Variants in NUP214 observed in about 807,000 individuals in gnomAD.
NUP214 encodes nucleoporin 214.
In NUP214, 79 loss-of-function variants were observed where a neutral mutation model predicts 196.2. That is an observed-to-expected ratio of 0.40 (90% CI 0.34 to 0.49). The LOEUF is 0.49. Among genes scored for constraint, NUP214 ranks in the 20% least tolerant of loss-of-function variants. The pLI is 0.58. For missense variants in NUP214, 2,468 were observed against 2,539.0 expected (o/e 0.97, Z 0.60); for synonymous variants, 1,020 against 990.5 (o/e 1.03, Z -0.56).
At chr9:131,171,280 G>A (rs1832948668) in intron 21 of NUP214, among the ~76,000 whole-genome samples, 1 of 152,194 alleles carries the variant, frequency 6.6e-6, no homozygotes, top group South Asian at 2.1e-4. Flanking sequence ...AAGGAACTAA[G>A]AGTACCTTCA....
At chr9:131,130,695 G>A in intron 4 of NUP214, 71 bp from the exon 5 acceptor site, 1 of 1,299,202 alleles carries the variant, frequency 7.7e-7, no homozygotes, top group Non-Finnish European at 1.1e-6. Context: ...TTGATAATTA[G>A]CTGTGTGTGA....
chr9:131,202,310 G>A (rs185010575), intron 30 of NUP214, among the ~76,000 whole-genome samples: 43 of 152,146 alleles, frequency 2.8e-4, no homozygotes, highest in Admixed American at 5.2e-4. Flanking sequence ...GCTTTTGGGG[G>A]GTTTGTTGTT....
At chr9:131,174,398 C>A in intron 22 of NUP214, 80 bp downstream of exon 22, 4 of 1,302,468 alleles carry the variant, frequency 3.1e-6, no homozygotes, top group Non-Finnish European at 4.2e-6. Flanking sequence ...GGGTCTTATA[C>A]TGTCACACCA....
At chr9:131,175,972 G>A (rs867152475) in intron 23 of NUP214, among the ~76,000 whole-genome samples, 2 of 151,880 alleles carry the variant, frequency 1.3e-5, no homozygotes, top group Non-Finnish European at 1.5e-5. Context: ...TAACACTAGC[G>A]TCATCTCTTA....
Position 131,150,322 on chromosome 9 carries a change from A to G in NUP214, c.2041-2A>G, listed in dbSNP as rs1564185904. ...TTTTTAAACCTTTTCCTTCCATTTC[A>G]GGCAAAGTCACTTCAGCCTGCTGTT... On this transcript the variant is annotated splice_acceptor_variant, in intron 14 of 35. Transcript: ENST00000359428. LOFTEE classifies it high-confidence loss of function. 1 of 1,613,850 alleles carries G rather than the reference A, an allele frequency of 6.2e-7. No homozygotes were observed. The highest frequency in any genetic ancestry group is 8.5e-7 in the Non-Finnish European group (1 of 1,179,880).
chr9:131,144,225 G>A, intron 11 of NUP214, 55 bp from the exon 12 acceptor site: 2 of 1,335,606 alleles, frequency 1.5e-6, no homozygotes, highest in Admixed American at 2.0e-5. Context: ...TTTCTATTAT[G>A]TGAACCTCCA....
At chr9:131,215,843 C>A (rs1263901280) in intron 31 of NUP214, among the ~76,000 whole-genome samples, 1 of 151,294 alleles carries the variant, frequency 6.6e-6, no homozygotes, top group Non-Finnish European at 1.5e-5. Flanking sequence ...TCACCTCTTA[C>A]ATTTTTGTTT....
intron 30 of NUP214, among the ~76,000 whole-genome samples, chr9:131,209,921 C>T (rs1157238420): frequency 6.6e-6 from 1 of 152,206 alleles, no homozygotes; most frequent in African/African-American, 2.4e-5. Flanking sequence ...CCTCTTGCCT[C>T]CCACCTCAGA....
chr9:131,132,535 T>G, intron 5 of NUP214, 61 bp from the exon 6 acceptor site: 1 of 1,409,922 alleles, frequency 7.1e-7, no homozygotes, highest in Non-Finnish European at 1.0e-6. Context: ...GATTTGACAG[T>G]TTGATTGGTT....
chr9:131,201,875 G>A (rs141656160), intron 30 of NUP214, among the ~76,000 whole-genome samples, 158 bp downstream of exon 30: 696 of 152,304 alleles, frequency 4.6e-3, no homozygotes, highest in Non-Finnish European at 7.3e-3. Context: ...TGGAGGTGCA[G>A]AAGTCTCAGC....
chr9:131,132,119 C>CTTT (rs71389396), intron 5 of NUP214, among the ~76,000 whole-genome samples: 21 of 114,654 alleles, frequency 1.8e-4, no homozygotes, highest in African/African-American at 7.6e-4. Flanking sequence ...TCTTTTCTTT[C>CTTT]TTTTTTTTTT....
chr9:131,163,432 CAT>C (rs1276128692), intron 19 of NUP214: 2 of 478,166 alleles, frequency 4.2e-6, no homozygotes, highest in African/African-American at 3.9e-5. Flanking sequence ...CTGAATATAT[CAT>C]AGCAAGTGAT....
intron 4 of NUP214, among the ~76,000 whole-genome samples, chr9:131,130,474 C>G (rs1234094426): frequency 1.3e-5 from 2 of 152,104 alleles, no homozygotes; most frequent in African/African-American, 4.8e-5. Context: ...GAAACCTTCT[C>G]TGTTCTCCTT....
intron 24 of NUP214, among the ~76,000 whole-genome samples, chr9:131,184,970 AGTAT>A (rs1358987472): frequency 2.0e-5 from 3 of 152,230 alleles, no homozygotes; most frequent in Non-Finnish European, 2.9e-5. Context: ...CTCATATATG[AGTAT>A]GTATGAAAAG....
chr9:131,155,603 T>C (rs917248748), intron 17 of NUP214, among the ~76,000 whole-genome samples: 2 of 152,248 alleles, frequency 1.3e-5, no homozygotes, highest in Non-Finnish European at 1.5e-5. Context: ...AGAATTTTTA[T>C]GGTTTCAAGT....
intron 17 of NUP214, 54 bp downstream of exon 17, chr9:131,151,948 A>T (rs1370004730): frequency 7.2e-7 from 1 of 1,391,950 alleles, no homozygotes; most frequent in East Asian, 2.4e-5. Flanking sequence ...CTCATGTAAC[A>T]ATTGCTACCT....
intron 24 of NUP214, among the ~76,000 whole-genome samples, chr9:131,185,241 T>C: frequency 6.6e-6 from 1 of 152,254 alleles, no homozygotes; most frequent in Non-Finnish European, 1.5e-5. Context: ...TGCATTTGTC[T>C]GCCTCTGTTG....
chr9:131,215,061 C>A, intron 30 of NUP214, 151 bp from the exon 31 acceptor site: 3 of 561,152 alleles, frequency 5.3e-6, no homozygotes, highest in Non-Finnish European at 8.6e-6. Context: ...CAGAGTCTAG[C>A]TTCTTTTGTG....
At chr9:131,190,723 A>AT in intron 26 of NUP214, 1 of 362,374 alleles carries the variant, frequency 2.8e-6, no homozygotes, top group Non-Finnish European at 4.9e-6. Flanking sequence ...TGCCCTATAG[A>AT]TTCTGTATTC....
Sources: allele counts gnomAD v4.1 joint callset (sites outside exome capture counted in the v4.1 genomes callset), GRCh38; gene constraint gnomAD v4.1.1; transcripts MANE v1.5; gene names NCBI Gene and HGNC (gene_info 2026-07-23, HGNC 2026-07-21).